The following TBC1D17 variants were observed in gnomAD, a reference collection of about 807,000 sequenced individuals.
The protein encoded by TBC1D17 is TBC1 domain family, member 17.
A neutral mutation model predicts 78.8 loss-of-function variants in TBC1D17; 69 were observed. The ratio of observed to expected loss-of-function variants is 0.88; its 90% CI spans 0.72 to 1.07. TBC1D17 has a LOEUF of 1.07. Ranked by LOEUF, TBC1D17 falls within the 50% of genes least tolerant of loss-of-function variation. The pLI is 0.00. For missense variants in TBC1D17, 957 were observed against 861.0 expected, an observed-to-expected ratio of 1.11 and a Z score of -1.39; for synonymous variants, 456 against 358.3, an observed-to-expected ratio of 1.27 and a Z score of -3.08.
intron 7 of TBC1D17, 97 bp from the exon 8 acceptor site, chr19:49,882,667 G>T: frequency 2.1e-6 from 3 of 1,436,196 alleles, no homozygotes; most frequent in East Asian, 2.5e-5. Context: ...TTAGTCATCC[G>T]TCAAGCTAAT....
chr19:49,881,016 G>A (rs1311694085), intron 4 of TBC1D17, among the ~76,000 whole-genome samples: 1 of 152,202 alleles, frequency 6.6e-6, no homozygotes, highest in Non-Finnish European at 1.5e-5. Flanking sequence ...TCGAGTGCCA[G>A]GTTGAGGAAT....
intron 15 of TBC1D17, 162 bp downstream of exon 15, chr19:49,887,996 G>GCCAT: frequency 1.1e-6 from 1 of 902,326 alleles, no homozygotes; most frequent in Non-Finnish European, 1.7e-6. Flanking sequence ...TCTGCCCCAT[G>GCCAT]CCATGCCTGC....
chr19:49,881,247 A>C lies in TBC1D17; in HGVS notation c.320-21A>C, dbSNP rs774263252. 9 of 1,605,884 alleles carry C rather than the reference A, an allele frequency of 5.6e-6. No homozygotes were observed. The South Asian group carries it at 9.9e-5, about 18-fold the overall frequency. On this transcript the variant is annotated intron_variant, in intron 4 of 16. Transcript: ENST00000221543. Reference sequence around the variant, plus strand: ...CTCTGGCTTCCCACGCGCTTCCCCCAACACAGTGCCGTCTCCCTAGGTGCA... The same window carrying C: ...CTCTGGCTTCCCACGCGCTTCCCCCCACACAGTGCCGTCTCCCTAGGTGCA...
chr19:49,883,151 T>C, intron 9 of TBC1D17, 75 bp downstream of exon 9: 1 of 1,375,040 alleles, frequency 7.3e-7, no homozygotes, highest in Non-Finnish European at 1.0e-6. Flanking sequence ...GCAAGTTCTG[T>C]GGACGCTGGT....
chr19:49,888,353 AC>A, intron 16 of TBC1D17, 36 bp downstream of exon 16: 1 of 1,369,646 alleles, frequency 7.3e-7, no homozygotes, highest in Non-Finnish European at 9.7e-7. Flanking sequence ...CCCCGCCCGA[AC>A]CCCGACCGAC....
rs1487738504 is a variant in TBC1D17, at chr19:49,888,675, C to A, written c.*51C>A. 2 of 1,470,468 alleles carry A rather than the reference C, an allele frequency of 1.4e-6. No homozygotes were observed. Among genetic ancestry groups the A allele is most frequent in the South Asian group, 2.6e-5 (2 of 77,824 alleles). 91.1% of individuals were successfully genotyped at this position (1,470,468 alleles called of 1,614,324 possible). A position where few individuals can be genotyped will look rare whatever the true frequency, so the allele number is the denominator to read the frequency against. ...CAGGCACTTTAGCCCGAGCCAGGCA[C>A]ACCTGCGAGGGGGCAGGTGTGCTCC... On this transcript the variant is annotated 3_prime_UTR_variant, in exon 17 of 17. Transcript: ENST00000221543.
Position 49,888,222 on chromosome 19 carries a change from C to G in TBC1D17, c.1660-9C>G, listed in dbSNP as rs754787319. 3.8e-6 allele frequency: 6 copies of G among 1,574,052 alleles called. No individual in the cohort carries two copies. Among genetic ancestry groups the G allele is most frequent in the East Asian group, 2.3e-5 (1 of 42,922 alleles). ...TGCCGACTGGCGCCTGACCCACCCC[C>G]TCCCGCAGCACATCAACGAGCTGAC... On this transcript the variant is annotated splice_polypyrimidine_tract_variant and intron_variant, in intron 15 of 16. Transcript: ENST00000221543.
Position 49,887,708 on chromosome 19 carries a change from G to A in TBC1D17, c.1543-10G>A. 3 of 1,612,816 alleles carry A rather than the reference G, an allele frequency of 1.9e-6. No individual in the cohort carries two copies. The highest frequency in any genetic ancestry group is 2.5e-6 in the Non-Finnish European group (3 of 1,179,108). On this transcript the variant is annotated splice_polypyrimidine_tract_variant and intron_variant, in intron 14 of 16. Transcript: ENST00000221543. ...TGACCTCCCTCCCTCCCTCTGTCCCGCACCCTCAGGTGCTGTGGACAGGGC... is the reference window on the plus strand; with the variant it reads ...TGACCTCCCTCCCTCCCTCTGTCCCACACCCTCAGGTGCTGTGGACAGGGC...
rs1286909227 is a variant in TBC1D17, at chr19:49,883,737, G to A, written c.1118G>A (p.Ser373Asn). Residue 373 changes from serine (S) to asparagine (N), a missense_variant, in exon 10 of 17, where the codon AGC (serine) becomes AAC (asparagine). Physicochemically the swap from Ser to Asn is conservative, Grantham distance 46. Transcript: ENST00000221543. ...RRNSLLHGYR[S>N]LIERDVSRTD... ...AACTCACTTCTGCATGGATACCGCA[G>A]CCTCATCGGTCAGTGTCAGGGGTGG... The A allele has an allele frequency of 6.2e-7, 1 of 1,613,760 alleles. No individual in the cohort carries two copies. The highest frequency in any genetic ancestry group is 8.5e-7 in the Non-Finnish European group (1 of 1,179,890).
rs1351513302 is a variant in TBC1D17 at position 49,888,531 on chromosome 19, G to A, written c.1854G>A (p.Pro618=). The A allele has an allele frequency of 5.9e-6, 2 of 336,206 alleles. No individual in the cohort carries two copies. The highest frequency in any genetic ancestry group is 5.0e-5 in the South Asian group (2 of 40,328). 20.8% of individuals were successfully genotyped at this position (336,206 alleles called of 1,614,324 possible). A position where few individuals can be genotyped will look rare whatever the true frequency, so the allele number is the denominator to read the frequency against. The change falls in exon 17 of 17, where the codon CCG becomes CCA. Residue 618 remains proline (P), a synonymous_variant. Transcript: ENST00000221543. The stretch of plus-strand genomic sequence containing the variant: ...TGCCTCTGTCGCCCACCCGGGCCCC[G>A]CCCACCCCGCCGCCCTCCACGGACA... The part of the protein sequence containing the change: ...SPLPLSPTRA[P]PTPPPSTDTA...
chr19:49,888,337 G>T lies in TBC1D17; in HGVS notation c.1746+20G>T, dbSNP rs771908276. ...TGCCCCGTGAGTCCCCGTCCGCCCC[G>T]CAGCGCCCCGCCCGAACCCCGACCG... On this transcript the variant is annotated intron_variant, in intron 16 of 16. Coordinates refer to ENST00000221543, the MANE Select transcript of TBC1D17 (RefSeq NM_024682.3). 1.2e-5 allele frequency: 16 copies of T among 1,322,576 alleles called. No homozygotes were observed. In the East Asian group the frequency reaches 3.7e-4, roughly 31 times the overall value. 81.9% of individuals were successfully genotyped at this position (1,322,576 alleles called of 1,614,324 possible).
chr19:49,884,116 G>T, intron 10 of TBC1D17, 137 bp from the exon 11 acceptor site: 4 of 772,522 alleles, frequency 5.2e-6, no homozygotes, highest in Non-Finnish European at 8.7e-6. Flanking sequence ...TCTAGAACCA[G>T]CTCTGCTTCT....
Position 49,882,778 on chromosome 19 carries a change from T to C in TBC1D17, c.813T>C (p.Pro271=). 1 of 1,580,290 alleles carries C rather than the reference T, an allele frequency of 6.3e-7. No individual in the cohort carries two copies. Among genetic ancestry groups the C allele is most frequent in the Non-Finnish European group, 8.6e-7 (1 of 1,163,564 alleles). The stretch of plus-strand genomic sequence containing the variant: ...TTTGCCTGCAGGTGGAGCTGGGGCC[T>C]CGGCCAACCGTGGAGCGGGGCCCTC... ...FEVISCVELG[P]RPTVERGPPV... is the part of the protein sequence containing the mutation. The change falls in exon 8 of 17, where the codon CCT becomes CCC. Residue 271 remains proline (P), a synonymous_variant. Transcript: ENST00000221543.
rs948052040 is a variant in TBC1D17 at position 49,887,754 on chromosome 19, C to T, written c.1579C>T (p.Leu527=). The change falls in exon 15 of 17, where the codon CTG becomes TTG. Residue 527 remains leucine (L), a synonymous_variant. Transcript: ENST00000221543. Reference sequence around the variant, plus strand: ...AGGGCTCCCTGGCCCCAATCTGCACCTGCTGGTGGCCTGCGCCATCCTGGA... The same window carrying T: ...AGGGCTCCCTGGCCCCAATCTGCACTTGCTGGTGGCCTGCGCCATCCTGGA... ...WTGLPGPNLH[L]LVACAILDME... is the part of the protein sequence containing the mutation. The T allele has an allele frequency of 1.9e-6, 3 of 1,613,632 alleles. No individual in the cohort carries two copies. The highest frequency in any genetic ancestry group is 1.7e-6 in the Non-Finnish European group (2 of 1,179,916).
chr19:49,883,022 A>G lies in TBC1D17; in HGVS notation c.977A>G (p.Tyr326Cys). ...GAGGCCTGGAAGTTCCTCCTAGGGT[A>G]CCTCAGCTGGGAAGGCACAGCTGAG... ...RREAWKFLLG[Y>C]LSWEGTAEEH... is the part of the protein sequence containing the mutation. The change falls in exon 9 of 17, where the codon TAC becomes TGC. Residue 326 changes from tyrosine (Y) to cysteine (C), a missense_variant. Transcript: ENST00000221543. 1 of 1,611,300 alleles carries G rather than the reference A, an allele frequency of 6.2e-7. No individual in the cohort carries two copies. Among genetic ancestry groups the G allele is most frequent in the Non-Finnish European group, 8.5e-7 (1 of 1,179,026 alleles).
At chr19:49,881,678 C>T (rs190374082) in intron 5 of TBC1D17, among the ~76,000 whole-genome samples, 3 of 152,326 alleles carry the variant, frequency 2.0e-5, no homozygotes, top group East Asian at 3.9e-4. Context: ...AAACAGTTAT[C>T]CTTTTTCCCT....
chr19:49,877,900 C>G, intron 1 of TBC1D17, 156 bp downstream of exon 1: 1 of 969,932 alleles, frequency 1.0e-6, no homozygotes, highest in East Asian at 2.7e-5. Context: ...GTCCACCGCC[C>G]CAGGGAAGAA....
chr19:49,882,153 G>T lies in TBC1D17; in HGVS notation c.639+1G>T. On this transcript the variant is annotated splice_donor_variant, in intron 6 of 16. Transcript: ENST00000221543. LOFTEE classifies it high-confidence loss of function. Reference sequence around the variant, plus strand: ...CCAGGACAGCTCCAATGTGGTGTCAGTGAGTGTCCCCAGCAGGAGGCCTGG... The same window carrying T: ...CCAGGACAGCTCCAATGTGGTGTCATTGAGTGTCCCCAGCAGGAGGCCTGG... The T allele has an allele frequency of 6.2e-7, 1 of 1,614,044 alleles. No individual in the cohort carries two copies. The highest frequency in any genetic ancestry group is 8.5e-7 in the Non-Finnish European group (1 of 1,180,010).
At position 49,887,578 on chromosome 19, in the gene TBC1D17, G is replaced by A. The variant is rs781315740; in HGVS notation, c.1542+5G>A. 1.9e-6 allele frequency: 3 copies of A among 1,613,372 alleles called. No homozygotes were observed. The highest frequency in any genetic ancestry group is 2.5e-6 in the Non-Finnish European group (3 of 1,179,852). On this transcript the variant is annotated splice_donor_5th_base_variant and intron_variant, in intron 14 of 16. Coordinates refer to ENST00000221543, the MANE Select transcript of TBC1D17 (RefSeq NM_024682.3). ...GATGTCCTTCGGCTGTGGGAGGTGG[G>A]CCAGCCAGTTTGGGCGAGAGGCCTG...
Sources: allele counts gnomAD v4.1 joint callset (sites outside exome capture counted in the v4.1 genomes callset), GRCh38; gene constraint gnomAD v4.1.1; transcripts MANE v1.5; gene names NCBI Gene and HGNC (gene_info 2026-07-23, HGNC 2026-07-21).